The following CSMD3 variants were observed in gnomAD, a reference collection of about 807,000 sequenced individuals.
The protein encoded by CSMD3 is CUB and Sushi multiple domains 3, also known as CUB and sushi domain-containing protein 3.
CSMD3 carries 177 observed loss-of-function variants against 435.2 expected under a neutral mutation model. The observed-to-expected ratio is 0.41, with a 90% CI of 0.36 to 0.46. The LOEUF is 0.46. CSMD3 is among the 20% of genes least tolerant of loss of function. CSMD3 has a pLI of 0.34. For synonymous variants in CSMD3, 1,656 were observed against 1,520.5 expected (o/e 1.09, Z -2.07); for missense variants, 4,265 against 4,504.6 (o/e 0.95, Z 1.52).
At chr8:113,223,031 T>A (rs950882131) in intron 3 of CSMD3, among the ~76,000 whole-genome samples, 20 of 151,036 alleles carry the variant, frequency 1.3e-4, no homozygotes, top group African/African-American at 4.8e-4. Context: ...TTCATTTTGC[T>A]TATTCCTAAA....
chr8:112,934,547 T>G (rs1587707265), intron 9 of CSMD3, among the ~76,000 whole-genome samples: 1 of 152,162 alleles, frequency 6.6e-6, no homozygotes, highest in Non-Finnish European at 1.5e-5. Context: ...GCTGCTCTGA[T>G]GAAAAGCAAA....
chr8:113,352,181 T>C (rs924597526), intron 1 of CSMD3, among the ~76,000 whole-genome samples: 12 of 152,140 alleles, frequency 7.9e-5, no homozygotes, highest in African/African-American at 1.7e-4. Context: ...TTAGTTTATT[T>C]TCAGATATAA....
chr8:113,411,611 C>A lies in CSMD3; in HGVS notation c.178+25066G>T, dbSNP rs573976748. 1.9e-4 allele frequency among the ~76,000 whole-genome samples: 29 copies of A among 152,196 alleles called. No homozygotes were observed. In the South Asian group the frequency reaches 6.0e-3, roughly 32 times the overall value. On this transcript the variant is annotated intron_variant, in intron 1 of 70. Transcript: ENST00000297405. The stretch of plus-strand genomic sequence containing the variant: ...GCTAGATTTTCTCAAAATGAGGACC[C>A]AATCCTTATTAAATCCATTAAAGTC...
intron 38 of CSMD3, among the ~76,000 whole-genome samples, chr8:112,374,840 A>T (rs1013172191): frequency 2.0e-5 from 3 of 152,112 alleles, no homozygotes; most frequent in Admixed American, 6.6e-5. Flanking sequence ...ATCCTGCTCT[A>T]TGTTTTGTTT....
At chr8:112,443,856 C>A (rs900373149) in intron 32 of CSMD3, among the ~76,000 whole-genome samples, 3 of 151,916 alleles carry the variant, frequency 2.0e-5, no homozygotes, top group African/African-American at 4.8e-5. Context: ...ATTAATAGTA[C>A]TAATATTGCT....
At chr8:112,871,081 G>A (rs75884071) in intron 10 of CSMD3, among the ~76,000 whole-genome samples, 5,148 of 152,222 alleles carry the variant, frequency 0.034, 109 homozygotes, top group Non-Finnish European at 0.042. Flanking sequence ...ACATTTGATA[G>A]GATCTCATCT....
chr8:113,218,090 T>C (rs1234304204), intron 3 of CSMD3, among the ~76,000 whole-genome samples: 1 of 142,536 alleles, frequency 7.0e-6, no homozygotes, highest in Admixed American at 7.0e-5. Context: ...TTCAGCACTT[T>C]AAATATGCTA....
At chr8:112,450,740 C>A (rs535682924) in intron 32 of CSMD3, among the ~76,000 whole-genome samples, 1 of 152,238 alleles carries the variant, frequency 6.6e-6, no homozygotes, top group Admixed American at 6.5e-5. Context: ...TATCTAAATG[C>A]CATAAGCTTT....
At chr8:112,901,502 G>A (rs1035750799) in intron 10 of CSMD3, among the ~76,000 whole-genome samples, 13 of 151,248 alleles carry the variant, frequency 8.6e-5, no homozygotes, top group African/African-American at 1.9e-4. Context: ...ACTGACTGAA[G>A]TACCTAGAAA....
chr8:112,615,530 A>T (rs563297897), intron 22 of CSMD3, among the ~76,000 whole-genome samples: 1 of 152,222 alleles, frequency 6.6e-6, no homozygotes, highest in South Asian at 2.1e-4. Context: ...GCCCAAAGCA[A>T]AAAAGTTCAA....
chr8:112,914,037 T>C (rs2082505959), intron 10 of CSMD3, among the ~76,000 whole-genome samples: 2 of 151,872 alleles, frequency 1.3e-5, no homozygotes, highest in South Asian at 4.1e-4. Flanking sequence ...ACCTAATAAT[T>C]ACCACAAAAT....
At chr8:113,369,871 T>C (rs1338104074) in intron 1 of CSMD3, among the ~76,000 whole-genome samples, 2 of 151,672 alleles carry the variant, frequency 1.3e-5, no homozygotes, top group Non-Finnish European at 3.0e-5. Flanking sequence ...CTCATAGAAA[T>C]AGAGAGTAGA....
intron 3 of CSMD3, among the ~76,000 whole-genome samples, chr8:113,213,653 C>CTAT (rs1167538898): frequency 4.0e-5 from 6 of 151,726 alleles, no homozygotes; most frequent in Admixed American, 6.6e-5. Flanking sequence ...AAGATTAAGT[C>CTAT]TAAGTATACA....
chr8:112,576,505 G>A (rs1043587650), intron 23 of CSMD3, among the ~76,000 whole-genome samples: 1 of 151,792 alleles, frequency 6.6e-6, no homozygotes, highest in African/African-American at 2.4e-5. Flanking sequence ...GAAGCACACA[G>A]CATACATTTT....
intron 10 of CSMD3, among the ~76,000 whole-genome samples, chr8:112,865,686 CCACACACACACA>C (rs3220985): frequency 1.9e-4 from 8 of 43,120 alleles, no homozygotes; most frequent in Non-Finnish European, 4.0e-4. Flanking sequence ...TTTACATACC[CCACACACACACA>C]CACACACACA....
At chr8:112,649,847 A>C (rs558071033) in intron 19 of CSMD3, among the ~76,000 whole-genome samples, 1 of 152,208 alleles carries the variant, frequency 6.6e-6, no homozygotes, top group African/African-American at 2.4e-5. Context: ...TTCTCATACA[A>C]ATTTGGCATT....
chr8:112,258,536 T>C (rs774635500), intron 61 of CSMD3, among the ~76,000 whole-genome samples: 1 of 152,226 alleles, frequency 6.6e-6, no homozygotes, highest in Non-Finnish European at 1.5e-5. Flanking sequence ...AAGCTCATCA[T>C]CACTGGTCAT....
intron 9 of CSMD3, among the ~76,000 whole-genome samples, chr8:112,928,279 C>T (rs950853335): frequency 1.5e-4 from 23 of 152,248 alleles, no homozygotes; most frequent in South Asian, 1.0e-3. Context: ...CATATGACAA[C>T]AGCTAGTTAA....
At position 113,349,028 on chromosome 8, in the gene CSMD3, T is replaced by TTAAA. The variant is rs527747695; in HGVS notation, c.179-34236_179-34235insTTTA. ...ACATATATAGGTTTTATAATGTTGATTAGTGTAACTAGTTTACTATTTGGT... is the reference window on the plus strand; with the variant it reads ...ACATATATAGGTTTTATAATGTTGATTAAATAGTGTAACTAGTTTACTATTTGGT... On this transcript the variant is annotated intron_variant, in intron 1 of 70. Coordinates refer to ENST00000297405, the MANE Select transcript of CSMD3 (RefSeq NM_198123.2). Among the ~76,000 whole-genome samples the TTAAA allele has an allele frequency of 5.1e-3, 777 of 152,268 alleles. 10 individuals carry two copies. Among genetic ancestry groups the TTAAA allele is most frequent in the African/African-American group, 0.018 (751 of 41,566 alleles).
Sources: gnomAD v4.1 joint callset for allele counts (sites outside exome capture counted in the v4.1 genomes callset) on GRCh38, gnomAD v4.1.1 for gene constraint, MANE v1.5 for transcripts, NCBI Gene and HGNC (gene_info 2026-07-23, HGNC 2026-07-21) for gene names.